The following ADRA1D variants were observed in gnomAD, a reference collection of about 807,000 sequenced individuals.
ADRA1D encodes the protein adrenoceptor alpha 1D.
In ADRA1D, 22 loss-of-function variants were observed where a neutral mutation model predicts 18.6. The ratio of observed to expected loss-of-function variants is 1.19; its 90% CI spans 0.85 to 1.69. The LOEUF is 1.69. Among genes scored for constraint, ADRA1D ranks in the 40% most tolerant of loss-of-function variants. The pLI, the probability that ADRA1D is intolerant of heterozygous loss-of-function variation, is 0.00. For synonymous variants in ADRA1D, 376 were observed against 388.2 expected (o/e 0.97, Z 0.37); for missense variants, 840 against 840.7 (o/e 1.00, Z 0.01).
intron 1 of ADRA1D, among the ~76,000 whole-genome samples, chr20:4,225,407 C>A (rs1041489508): frequency 1.4e-5 from 2 of 145,596 alleles, no homozygotes; most frequent in African/African-American, 2.5e-5. Context: ...GTATTGGTAG[C>A]TATTACTTTT....
At chr20:4,224,963 T>A (rs1980760232) in intron 1 of ADRA1D, among the ~76,000 whole-genome samples, 2 of 150,084 alleles carry the variant, frequency 1.3e-5, no homozygotes, top group South Asian at 4.2e-4. Context: ...CTTGGTCATG[T>A]GGCCCTAAGC....
In ADRA1D at chr20:4,248,761, C is replaced by G; in HGVS notation, c.197G>C (p.Arg66Pro). The change falls in exon 1 of 2, where the codon CGG becomes CCG. Residue 66 changes from arginine to proline, a missense_variant. Transcript: ENST00000379453. The part of the protein sequence containing the change: ...VVGAGSGEDN[R>P]SSAGEPGSAG... ...GCTCCCCGGCTCCCCCGCGGAGCTCCGGTTGTCCTCGCCGCTGCCTGCGCC... is the reference window on the plus strand; with the variant it reads ...GCTCCCCGGCTCCCCCGCGGAGCTCGGGTTGTCCTCGCCGCTGCCTGCGCC... 6.9e-7 allele frequency: 1 copy of G among 1,449,956 alleles called. No homozygotes were observed. The highest frequency in any genetic ancestry group is 2.8e-5 in the East Asian group (1 of 36,302). The allele number at this position is 1,449,956 out of a possible 1,614,324, so 89.8% of individuals were successfully genotyped here. A position where few individuals can be genotyped will look rare whatever the true frequency, so the allele number is the denominator to read the frequency against.
intron 1 of ADRA1D, among the ~76,000 whole-genome samples, chr20:4,229,308 C>A (rs1461560790): frequency 9.2e-5 from 14 of 152,056 alleles, no homozygotes; most frequent in Non-Finnish European, 4.4e-5. Flanking sequence ...ATCCTGTCCT[C>A]ATGAAGCTTA....
intron 1 of ADRA1D, among the ~76,000 whole-genome samples, chr20:4,229,008 C>T (rs1035478783): frequency 1.3e-5 from 2 of 152,220 alleles, no homozygotes; most frequent in African/African-American, 4.8e-5. Context: ...TGCCCTCATC[C>T]TCCTGGGTGC....
chr20:4,245,859 C>T (rs541295602), intron 1 of ADRA1D, among the ~76,000 whole-genome samples: 2 of 152,280 alleles, frequency 1.3e-5, no homozygotes, highest in African/African-American at 4.8e-5. Flanking sequence ...GCCTGCTTCT[C>T]CTAGTGTGTT....
At chr20:4,235,601 C>CT (rs1438230688) in intron 1 of ADRA1D, among the ~76,000 whole-genome samples, 1 of 152,250 alleles carries the variant, frequency 6.6e-6, no homozygotes, top group Non-Finnish European at 1.5e-5. Flanking sequence ...CCTCTCGGCT[C>CT]TGGGGCCACA....
intron 1 of ADRA1D, among the ~76,000 whole-genome samples, chr20:4,228,427 TG>T (rs1568763767): frequency 6.6e-6 from 1 of 151,998 alleles, no homozygotes; most frequent in Non-Finnish European, 1.5e-5. Flanking sequence ...AGTGCAAAGT[TG>T]GGGGGATTTG....
chr20:4,245,794 GA>G (rs1319970804), intron 1 of ADRA1D, among the ~76,000 whole-genome samples: 5 of 152,136 alleles, frequency 3.3e-5, no homozygotes, highest in Admixed American at 3.3e-4. Context: ...GGGCCTGGGG[GA>G]TGGGCTTGGA....
intron 1 of ADRA1D, among the ~76,000 whole-genome samples, chr20:4,241,489 C>T (rs1981210367): frequency 6.6e-6 from 1 of 152,182 alleles, no homozygotes; most frequent in East Asian, 1.9e-4. Flanking sequence ...TGTGCTTTGC[C>T]ACCCAGACCC....
intron 1 of ADRA1D, among the ~76,000 whole-genome samples, chr20:4,241,238 G>C (rs890848993): frequency 2.6e-5 from 4 of 152,154 alleles, no homozygotes; most frequent in Admixed American, 1.3e-4. Flanking sequence ...GTGGTTTCCA[G>C]GGAGAAAGGG....
chr20:4,230,674 GA>G (rs1181858569), intron 1 of ADRA1D, among the ~76,000 whole-genome samples: 1 of 152,210 alleles, frequency 6.6e-6, no homozygotes, highest in Non-Finnish European at 1.5e-5. Context: ...TGGCTCAGAG[GA>G]ATCAATCGAA....
Position 4,222,364 on chromosome 20 carries a change from A to C in ADRA1D, c.1112-234T>G. 2.1e-6 allele frequency: 1 copy of C among 486,166 alleles called. No individual in the cohort carries two copies. The highest frequency in any genetic ancestry group is 3.3e-6 in the Non-Finnish European group (1 of 299,844). 30.1% of individuals were successfully genotyped at this position (486,166 alleles called of 1,614,324 possible). A position where few individuals can be genotyped will look rare whatever the true frequency, so the allele number is the denominator to read the frequency against. ...TTACCTTCAATGAATGTAGGCAACA[A>C]ACCAGAGTAGAGTTAGACAAAACCA... On this transcript the variant is annotated intron_variant, in intron 1 of 1. Transcript: ENST00000379453. The surrounding 1 kb of genome is among the most constrained non-coding windows in gnomAD (Gnocchi z 4.3).
chr20:4,225,245 T>C (rs1305093125), intron 1 of ADRA1D, among the ~76,000 whole-genome samples: 2 of 151,734 alleles, frequency 1.3e-5, no homozygotes, highest in Non-Finnish European at 2.9e-5. Flanking sequence ...GTGATCTGCC[T>C]GCCTCAGCCT....
chr20:4,245,817 G>A lies in ADRA1D; in HGVS notation c.1111+2030C>T, dbSNP rs116660016. ...GGGATGGGCTTGGATGTCTAAAGGG[G>A]CGGGCACCAACTTTCTCTTCCCTGC... is the stretch of plus-strand genomic sequence containing the variant. On this transcript the variant is annotated intron_variant, in intron 1 of 1. Coordinates refer to ENST00000379453, the MANE Select transcript of ADRA1D (RefSeq NM_000678.4). Among the ~76,000 whole-genome samples, 917 of 152,192 alleles carry A rather than the reference G, an allele frequency of 6.0e-3. 10 individuals carry two copies. The highest frequency in any genetic ancestry group is 0.02 in the African/African-American group (850 of 41,512).
intron 1 of ADRA1D, among the ~76,000 whole-genome samples, chr20:4,236,759 G>A (rs1462821612): frequency 6.6e-6 from 1 of 152,164 alleles, no homozygotes; most frequent in Non-Finnish European, 1.5e-5. Flanking sequence ...AGGAGGCTCA[G>A]AGCCAGAGAG....
chr20:4,237,777 C>A (rs1233561355), intron 1 of ADRA1D, among the ~76,000 whole-genome samples: 5 of 151,546 alleles, frequency 3.3e-5, no homozygotes, highest in Non-Finnish European at 7.4e-5. Context: ...GATTCTCCTG[C>A]CTCAGCCTCC....
intron 1 of ADRA1D, among the ~76,000 whole-genome samples, chr20:4,231,267 G>GTTGTTATTA (rs1980963129): frequency 7.2e-6 from 1 of 138,910 alleles, no homozygotes; most frequent in Non-Finnish European, 1.5e-5. Context: ...CTGGCTAATT[G>GTTGTTATTA]TTATTATTAT....
In ADRA1D at chr20:4,248,040, G is replaced by A; in HGVS notation, c.918C>T (p.Ile306=). Reference sequence around the variant, plus strand: ...CGCCCGTGGCCGCGCCGCGACAGTGGATGCGCAGCACCACCTCGGAGGCCT... The same window carrying A: ...CGCCCGTGGCCGCGCCGCGACAGTGAATGCGCAGCACCACCTCGGAGGCCT... The part of the protein sequence containing the change: ...RGKASEVVLR[I]HCRGAATGAD... The change falls in exon 1 of 2, where the codon ATC becomes ATT. Residue 306 remains isoleucine (I), a synonymous_variant. Coordinates refer to ENST00000379453, the MANE Select transcript of ADRA1D (RefSeq NM_000678.4). The A allele has an allele frequency of 2.6e-6, 4 of 1,551,366 alleles. No homozygotes were observed. The highest frequency in any genetic ancestry group is 2.6e-6 in the Non-Finnish European group (3 of 1,148,004).
rs1370721532 is a variant in ADRA1D, at chr20:4,248,271, T to G, written c.687A>C (p.Val229=). Residue 229 remains valine (V), a synonymous_variant, in exon 1 of 2, where the codon GTA becomes GTC. Transcript: ENST00000379453. ...GCTCCTTCCAGCCCAGCAGGGGCCC[T>G]ACGGACACCACCAGGGCTACGACCC... ...LLWVVALVVS[V]GPLLGWKEPV... 1.9e-6 allele frequency: 3 copies of G among 1,608,642 alleles called. No individual in the cohort carries two copies. The highest frequency in any genetic ancestry group is 2.2e-5 in the South Asian group (2 of 90,136).
Sources: gnomAD v4.1 joint callset for allele counts (sites outside exome capture counted in the v4.1 genomes callset) on GRCh38, gnomAD v4.1.1 for gene constraint, Gnocchi (gnomAD v3.1) non-coding constraint, MANE v1.5 for transcripts, NCBI Gene and HGNC (gene_info 2026-07-23, HGNC 2026-07-21) for gene names.